Variants in NAALADL2 observed in about 807,000 individuals in gnomAD.
The protein encoded by NAALADL2 is N-acetylated alpha-linked acidic dipeptidase like 2.
A neutral mutation model predicts 87.2 loss-of-function variants in NAALADL2; 76 were observed. The observed-to-expected ratio is 0.87, with a 90% CI of 0.72 to 1.05. The LOEUF (loss-of-function observed/expected upper bound fraction) is 1.05, where lower values mean the gene tolerates loss of function less well. Among genes scored for constraint, NAALADL2 ranks in the 50% least tolerant of loss-of-function variants. NAALADL2 has a pLI of 0.00. For missense variants in NAALADL2, 1,089 were observed against 945.8 expected (o/e 1.15, Z -1.99); for synonymous variants, 354 against 331.0 (o/e 1.07, Z -0.75).
chr3:175,489,716 T>G (rs1727780562), intron 9 of NAALADL2, among the ~76,000 whole-genome samples: 1 of 152,188 alleles, frequency 6.6e-6, no homozygotes, highest in South Asian at 2.1e-4. Flanking sequence ...AGTTTGCAAT[T>G]TGTTGAGTGA....
At chr3:175,533,298 T>C (rs907031685) in intron 9 of NAALADL2, among the ~76,000 whole-genome samples, 1 of 152,230 alleles carries the variant, frequency 6.6e-6, no homozygotes, top group Admixed American at 6.5e-5. Context: ...CATCTCCTCA[T>C]GGGTCACACA....
chr3:175,514,771 C>G (rs913350257), intron 9 of NAALADL2, among the ~76,000 whole-genome samples: 5 of 152,038 alleles, frequency 3.3e-5, no homozygotes, highest in African/African-American at 7.2e-5. Context: ...AGAAGGAAAA[C>G]CAGATATAAA....
intron 2 of NAALADL2, among the ~76,000 whole-genome samples, chr3:175,209,811 A>G (rs1741496975): frequency 6.6e-6 from 1 of 151,854 alleles, no homozygotes; most frequent in Admixed American, 6.6e-5. Context: ...ACCTATAAAT[A>G]TCATCAATGT....
rs116449818 is a variant in NAALADL2 at position 174,775,816 on chromosome 3, C to T, written c.-9+38070C>T. Reference sequence around the variant, plus strand: ...CCTCAGCTGGAATTTGAGGCAGAACCAGATAAAGTTATCAGCTGTTACCTC... The same window carrying T: ...CCTCAGCTGGAATTTGAGGCAGAACTAGATAAAGTTATCAGCTGTTACCTC... On this transcript the variant is annotated intron_variant, in intron 3 of 3. Transcript: ENST00000434257. Among the ~76,000 whole-genome samples the T allele has an allele frequency of 8.3e-3, 1,269 of 152,214 alleles. 3 individuals are homozygous for T. Among genetic ancestry groups the T allele is most frequent in the African/African-American group, 0.018 (748 of 41,530 alleles).
At chr3:174,839,127 T>C (rs73174773) in intron 3 of NAALADL2, among the ~76,000 whole-genome samples, 2,319 of 152,230 alleles carry the variant, frequency 0.015, 32 homozygotes, top group Non-Finnish European at 0.024. Context: ...AACAGAATGG[T>C]ACTGTTATAA....
chr3:174,660,286 C>T (rs1468318854), intron 2 of NAALADL2, among the ~76,000 whole-genome samples: 1 of 152,092 alleles, frequency 6.6e-6, no homozygotes, highest in African/African-American at 2.4e-5. Flanking sequence ...CTATCCTTTT[C>T]GACTGACAAA....
chr3:174,698,284 CAT>C (rs759644896), intron 2 of NAALADL2, among the ~76,000 whole-genome samples: 4 of 144,342 alleles, frequency 2.8e-5, no homozygotes, highest in Non-Finnish European at 4.4e-5. Flanking sequence ...TTTATAATCA[CAT>C]GTTGGTGGTA....
At chr3:175,724,239 A>T (rs562003106) in intron 11 of NAALADL2, among the ~76,000 whole-genome samples, 1 of 152,306 alleles carries the variant, frequency 6.6e-6, no homozygotes, top group African/African-American at 2.4e-5. Context: ...GGGCTATGTC[A>T]TATAGGACAT....
intron 1 of NAALADL2, among the ~76,000 whole-genome samples, chr3:174,930,835 G>C (rs551171351): frequency 1.2e-4 from 18 of 151,610 alleles, no homozygotes; most frequent in Non-Finnish European, 2.5e-4. Flanking sequence ...TGTTAGCCGG[G>C]ATGGTCTCCT....
chr3:174,508,410 G>C (rs375459661), intron 1 of NAALADL2, among the ~76,000 whole-genome samples: 2 of 152,070 alleles, frequency 1.3e-5, no homozygotes, highest in African/African-American at 2.4e-5. Context: ...ACCGCACCCG[G>C]TCCCTGGGTG....
At chr3:175,441,098 T>C (rs1003531495) in intron 5 of NAALADL2, among the ~76,000 whole-genome samples, 6 of 152,236 alleles carry the variant, frequency 3.9e-5, no homozygotes, top group African/African-American at 1.4e-4. Flanking sequence ...ATAAACTATA[T>C]AAATTACACT....
chr3:174,705,418 C>A (rs1302529353), intron 2 of NAALADL2, among the ~76,000 whole-genome samples: 1 of 152,172 alleles, frequency 6.6e-6, no homozygotes, highest in Non-Finnish European at 1.5e-5. Flanking sequence ...TCAGTCCATG[C>A]ATATAACTTA....
At chr3:174,720,842 T>A (rs576166601) in intron 2 of NAALADL2, among the ~76,000 whole-genome samples, 1 of 152,310 alleles carries the variant, frequency 6.6e-6, no homozygotes, top group South Asian at 2.1e-4. Context: ...GTATTTGGCT[T>A]CAAATTCCAG....
At chr3:175,674,080 T>C (rs1734384849) in intron 11 of NAALADL2, among the ~76,000 whole-genome samples, 1 of 152,126 alleles carries the variant, frequency 6.6e-6, no homozygotes, top group Non-Finnish European at 1.5e-5. Context: ...TCCAATTTGA[T>C]AGCATTCATT....
chr3:175,191,683 A>G (rs1284909729), intron 2 of NAALADL2, among the ~76,000 whole-genome samples: 1 of 152,230 alleles, frequency 6.6e-6, no homozygotes, highest in Non-Finnish European at 1.5e-5. Context: ...CCCAAAAGAT[A>G]TAATGTACGC....
intron 1 of NAALADL2, among the ~76,000 whole-genome samples, chr3:174,925,052 T>C (rs1421282506): frequency 6.6e-6 from 1 of 152,204 alleles, no homozygotes; most frequent in Non-Finnish European, 1.5e-5. Flanking sequence ...TTTCTTTTGC[T>C]GTGTGTAAGC....
chr3:175,003,860 T>A (rs2108772910), intron 1 of NAALADL2, among the ~76,000 whole-genome samples: 1 of 152,304 alleles, frequency 6.6e-6, no homozygotes, highest in African/African-American at 2.4e-5. Flanking sequence ...TAGAGCAGTG[T>A]GCATTCACAA....
chr3:175,579,339 A>T (rs1175572324), intron 10 of NAALADL2, among the ~76,000 whole-genome samples: 1 of 152,142 alleles, frequency 6.6e-6, no homozygotes. Flanking sequence ...ATAGAGGCCA[A>T]TTTTTATGGA....
At chr3:175,588,788 T>G (rs577481144) in intron 10 of NAALADL2, among the ~76,000 whole-genome samples, 1 of 152,146 alleles carries the variant, frequency 6.6e-6, no homozygotes, top group Non-Finnish European at 1.5e-5. Context: ...TCCGCCCGCC[T>G]TGGCCTCCCA....
Sources: allele counts gnomAD v4.1 joint callset (sites outside exome capture counted in the v4.1 genomes callset), GRCh38; gene constraint gnomAD v4.1.1; transcripts MANE v1.5; gene names NCBI Gene and HGNC (gene_info 2026-07-23, HGNC 2026-07-21).